The following ADARB2 variants were observed in gnomAD, a reference collection of about 807,000 sequenced individuals.
ADARB2 encodes inactive double-stranded RNA-specific editase B2.
A neutral mutation model predicts 62.2 loss-of-function variants in ADARB2; 25 were observed. That is an observed-to-expected ratio of 0.40 (90% CI 0.29 to 0.56). The LOEUF is 0.56. Among genes scored for constraint, ADARB2 ranks in the 20% least tolerant of loss-of-function variants. The pLI is 0.43. For synonymous variants in ADARB2, 572 were observed against 500.8 expected (o/e 1.14, Z -1.90); for missense variants, 1,071 against 1,077.4 (o/e 0.99, Z 0.08).
At chr10:1,338,311 G>A (rs1452386279) in intron 3 of ADARB2, among the ~76,000 whole-genome samples, 1 of 152,220 alleles carries the variant, frequency 6.6e-6, no homozygotes, top group Admixed American at 6.5e-5. Flanking sequence ...GTCTTGGGCC[G>A]CACAGTTTCA....
At chr10:1,327,295 G>A (rs1442512146) in intron 3 of ADARB2, among the ~76,000 whole-genome samples, 2 of 58,782 alleles carry the variant, frequency 3.4e-5, no homozygotes, top group African/African-American at 1.3e-4. Context: ...ACTGCCCAGC[G>A]CCTCCCCACG....
At chr10:1,414,205 A>C (rs1832782852) in intron 1 of ADARB2, among the ~76,000 whole-genome samples, 1 of 152,218 alleles carries the variant, frequency 6.6e-6, no homozygotes, top group Admixed American at 6.5e-5. Context: ...TACAGTAAGC[A>C]CTTAGCTGAT....
intron 1 of ADARB2, among the ~76,000 whole-genome samples, chr10:1,445,336 C>T (rs1156522178): frequency 1.3e-5 from 2 of 151,390 alleles, no homozygotes; most frequent in Non-Finnish European, 2.9e-5. Flanking sequence ...TCTGTCCATT[C>T]GTTATTCATC....
intron 1 of ADARB2, among the ~76,000 whole-genome samples, chr10:1,399,279 C>T (rs1400213694): frequency 6.6e-6 from 1 of 152,122 alleles, no homozygotes; most frequent in East Asian, 1.9e-4. Flanking sequence ...CTGGAGATCT[C>T]CTCCTCTCTC....
intron 1 of ADARB2, among the ~76,000 whole-genome samples, chr10:1,393,203 T>C (rs1161832506): frequency 1.3e-5 from 2 of 152,226 alleles, no homozygotes; most frequent in Admixed American, 6.5e-5. Flanking sequence ...TTGGTTAAAA[T>C]GTTTCTAGTA....
intron 3 of ADARB2, among the ~76,000 whole-genome samples, chr10:1,355,341 C>G (rs1033570219): frequency 6.6e-6 from 1 of 152,228 alleles, no homozygotes; most frequent in African/African-American, 2.4e-5. Context: ...AGCCCCAGCC[C>G]CACAGAAGCT....
At chr10:1,520,006 T>A (rs534702913) in intron 1 of ADARB2, among the ~76,000 whole-genome samples, 38 of 152,314 alleles carry the variant, frequency 2.5e-4, no homozygotes, top group African/African-American at 8.7e-4. Flanking sequence ...TGTCCCTACC[T>A]GGGAATTCCA....
At chr10:1,531,807 AGCCTGGGT>A (rs1832244955) in intron 1 of ADARB2, among the ~76,000 whole-genome samples, 2 of 152,146 alleles carry the variant, frequency 1.3e-5, no homozygotes, top group Admixed American at 1.3e-4. Flanking sequence ...ACTGCACTCC[AGCCTGGGT>A]GACAGAGCGA....
At chr10:1,733,188 G>GAC (rs998613876) in intron 1 of ADARB2, among the ~76,000 whole-genome samples, 2 of 152,248 alleles carry the variant, frequency 1.3e-5, no homozygotes, top group Non-Finnish European at 2.9e-5. Flanking sequence ...TGTGAAGATT[G>GAC]ACACGCCGCT....
At position 1,398,673 on chromosome 10, in the gene ADARB2, G is replaced by C. The variant is rs896164238; in HGVS notation, c.101-19513C>G. On this transcript the variant is annotated intron_variant, in intron 1 of 9. Coordinates refer to ENST00000381312, the MANE Select transcript of ADARB2 (RefSeq NM_018702.4). This position sits in a 1 kb window ranked among gnomAD's most constrained non-coding sequence, Gnocchi z 4.1. Reference sequence around the variant, plus strand: ...GGAACAATTGATCAATATAAATAAAGTTTTAACGGTGGAATTTCAGGTATC... The same window carrying C: ...GGAACAATTGATCAATATAAATAAACTTTTAACGGTGGAATTTCAGGTATC... 1.3e-5 allele frequency among the ~76,000 whole-genome samples: 2 copies of C among 152,202 alleles called. No homozygotes were observed. The highest frequency in any genetic ancestry group is 4.8e-5 in the African/African-American group (2 of 41,444).
At chr10:1,722,744 T>C (rs1345471057) in intron 1 of ADARB2, among the ~76,000 whole-genome samples, 1 of 152,244 alleles carries the variant, frequency 6.6e-6, no homozygotes, top group African/African-American at 2.4e-5. Flanking sequence ...TGATTAATAA[T>C]TATTTTGGAA....
intron 1 of ADARB2, among the ~76,000 whole-genome samples, chr10:1,582,842 A>G (rs1458348137): frequency 1.3e-5 from 2 of 152,202 alleles, no homozygotes; most frequent in African/African-American, 4.8e-5. Flanking sequence ...AGTGCCCTTC[A>G]GCACTGATTT....
At chr10:1,429,463 C>G (rs186231786) in intron 1 of ADARB2, among the ~76,000 whole-genome samples, 37 of 152,272 alleles carry the variant, frequency 2.4e-4, no homozygotes, top group African/African-American at 7.2e-4. Context: ...AATAAGAAGA[C>G]TCCGTAAAGA....
At chr10:1,290,412 C>A in intron 3 of ADARB2, 1 of 152,410 alleles carries the variant, frequency 6.6e-6, no homozygotes, top group Non-Finnish European at 1.5e-5. Flanking sequence ...CTGGGGTCCC[C>A]AGGACCAGGT....
chr10:1,309,612 T>C (rs1265468954), intron 3 of ADARB2, among the ~76,000 whole-genome samples: 1 of 152,242 alleles, frequency 6.6e-6, no homozygotes, highest in Non-Finnish European at 1.5e-5. Flanking sequence ...AATTTCAGCA[T>C]AATTACATGT....
At chr10:1,576,080 AGGGGGCTC>A (rs1833013247) in intron 1 of ADARB2, among the ~76,000 whole-genome samples, 1 of 53,996 alleles carries the variant, frequency 1.9e-5, no homozygotes, top group African/African-American at 7.5e-5. Context: ...GGGTCACAGG[AGGGGGCTC>A]AGGGCCACGG....
intron 1 of ADARB2, among the ~76,000 whole-genome samples, chr10:1,462,742 T>C (rs1430030525): frequency 2.0e-5 from 3 of 152,060 alleles, no homozygotes; most frequent in Non-Finnish European, 4.4e-5. Flanking sequence ...TGTATGTGCC[T>C]GTGTGTATGT....
chr10:1,288,672 C>T (rs1259624329), intron 3 of ADARB2, among the ~76,000 whole-genome samples: 7 of 152,194 alleles, frequency 4.6e-5, no homozygotes, highest in African/African-American at 1.7e-4. Flanking sequence ...CCTGCCATGG[C>T]AAATGCTGCC....
intron 1 of ADARB2, among the ~76,000 whole-genome samples, chr10:1,492,064 T>C (rs1831629090): frequency 6.6e-6 from 1 of 152,208 alleles, no homozygotes; most frequent in Non-Finnish European, 1.5e-5. Flanking sequence ...CTTCATTGAG[T>C]TTCTGCTTTT....
Sources: gnomAD v4.1 joint callset for allele counts (sites outside exome capture counted in the v4.1 genomes callset) on GRCh38, gnomAD v4.1.1 for gene constraint, Gnocchi (gnomAD v3.1) non-coding constraint, MANE v1.5 for transcripts, NCBI Gene and HGNC (gene_info 2026-07-23, HGNC 2026-07-21) for gene names.